Variants in GRAMD2B observed in about 807,000 individuals in gnomAD.
The protein encoded by GRAMD2B is GRAM domain containing 2B, also known as GRAM domain-containing protein 2B.
Under a neutral mutation model 59.2 loss-of-function variants are expected in GRAMD2B, and 41 were observed. That is an observed-to-expected ratio of 0.69 (90% CI 0.54 to 0.90). The LOEUF is 0.90. Among genes scored for constraint, GRAMD2B ranks in the 40% least tolerant of loss-of-function variants. The pLI, the probability that GRAMD2B is intolerant of heterozygous loss-of-function variation, is 0.00. For synonymous variants in GRAMD2B, 161 were observed against 182.7 expected (o/e 0.88, Z 0.96); for missense variants, 424 against 500.5 (o/e 0.85, Z 1.46).
chr5:126,488,455 G>T (rs1241174269), intron 12 of GRAMD2B, among the ~76,000 whole-genome samples: 2 of 152,194 alleles, frequency 1.3e-5, no homozygotes, highest in Non-Finnish European at 2.9e-5. Flanking sequence ...GTAAGTTTAT[G>T]CTCTGGTGGA....
intron 1 of GRAMD2B, among the ~76,000 whole-genome samples, chr5:126,400,834 C>T (rs954363118): frequency 1.3e-5 from 2 of 152,072 alleles, no homozygotes; most frequent in African/African-American, 4.8e-5. Flanking sequence ...TATACATTCC[C>T]TTGTATGTGA....
intron 1 of GRAMD2B, among the ~76,000 whole-genome samples, chr5:126,426,712 C>T (rs771212767): frequency 2.6e-5 from 4 of 152,110 alleles, no homozygotes; most frequent in African/African-American, 4.8e-5. Context: ...TACTGTAATA[C>T]GCTTGTAGCT....
intron 13 of GRAMD2B, among the ~76,000 whole-genome samples, chr5:126,492,705 A>G (rs1423726429): frequency 1.3e-5 from 2 of 152,100 alleles, no homozygotes; most frequent in African/African-American, 4.8e-5. Context: ...TGGGTGACAG[A>G]GCGAGACCCT....
At chr5:126,362,829 A>C (rs1416554644) in intron 1 of GRAMD2B, among the ~76,000 whole-genome samples, 1 of 152,228 alleles carries the variant, frequency 6.6e-6, no homozygotes, top group Admixed American at 6.5e-5. Flanking sequence ...ATATTAACTC[A>C]AAGTAGATCA....
intron 1 of GRAMD2B, among the ~76,000 whole-genome samples, chr5:126,436,495 T>C (rs1466945456): frequency 6.6e-6 from 1 of 151,972 alleles, no homozygotes. Flanking sequence ...CCACAAATAA[T>C]ATAGAAATTA....
At chr5:126,427,469 G>A (rs752121161) in intron 1 of GRAMD2B, among the ~76,000 whole-genome samples, 5 of 152,068 alleles carry the variant, frequency 3.3e-5, no homozygotes, top group Non-Finnish European at 7.4e-5. Context: ...CATTCAAATT[G>A]CAATTTGAAT....
upstream of GRAMD2B, among the ~76,000 whole-genome samples, chr5:126,370,618 C>G (rs937567990): frequency 9.2e-5 from 14 of 152,188 alleles, no homozygotes; most frequent in Non-Finnish European, 1.3e-4. Flanking sequence ...CACATAATTG[C>G]AAATCTCTAC....
intron 1 of GRAMD2B, among the ~76,000 whole-genome samples, chr5:126,415,487 T>TG (rs964992574): frequency 6.6e-6 from 1 of 151,392 alleles, no homozygotes; most frequent in African/African-American, 2.4e-5. Flanking sequence ...GCAAAAAAAA[T>TG]GTTTTTGGGA....
intron 1 of GRAMD2B, among the ~76,000 whole-genome samples, chr5:126,461,041 G>T (rs1767259949): frequency 6.6e-6 from 1 of 152,148 alleles, no homozygotes; most frequent in Non-Finnish European, 1.5e-5. Flanking sequence ...CATGTGGGTA[G>T]ACTCAAACAC....
At chr5:126,466,717 T>C (rs1476218973) in intron 2 of GRAMD2B, among the ~76,000 whole-genome samples, 2 of 152,200 alleles carry the variant, frequency 1.3e-5, no homozygotes, top group East Asian at 1.9e-4. Flanking sequence ...AACAATTTTT[T>C]TTCCTCTAGT....
At chr5:126,428,267 T>C (rs1760953737) in intron 1 of GRAMD2B, among the ~76,000 whole-genome samples, 2 of 152,134 alleles carry the variant, frequency 1.3e-5, no homozygotes, top group Admixed American at 1.3e-4. Flanking sequence ...AAGAATGATG[T>C]ATAACATGTT....
intron 1 of GRAMD2B, among the ~76,000 whole-genome samples, chr5:126,394,116 T>C (rs1561475179): frequency 6.9e-6 from 1 of 144,624 alleles, no homozygotes. Flanking sequence ...CTACTAAAAA[T>C]ACAAAAAAAT....
At chr5:126,419,804 C>A (rs1418193297), upstream of GRAMD2B, among the ~76,000 whole-genome samples, 2 of 152,052 alleles carry the variant, frequency 1.3e-5, no homozygotes, top group African/African-American at 4.8e-5. Flanking sequence ...CGCCTGTAAT[C>A]CCAGCACTTT....
intron 3 of GRAMD2B, among the ~76,000 whole-genome samples, chr5:126,471,080 G>A (rs1769485489): frequency 6.6e-6 from 1 of 152,142 alleles, no homozygotes; most frequent in South Asian, 2.1e-4. Flanking sequence ...TTGACTTGCA[G>A]GGACCATCTA....
At chr5:126,371,169 C>T, upstream of GRAMD2B, 1 of 285,112 alleles carries the variant, frequency 3.5e-6, no homozygotes, top group Non-Finnish European at 5.5e-6. Flanking sequence ...CAGTGGTGTT[C>T]ATCTTAGTGA....
At chr5:126,433,179 T>C (rs1761863259) in intron 1 of GRAMD2B, among the ~76,000 whole-genome samples, 1 of 152,238 alleles carries the variant, frequency 6.6e-6, no homozygotes, top group Non-Finnish European at 1.5e-5. Context: ...AGTAATATCA[T>C]TGCTATTCAT....
chr5:126,360,694 G>C (rs1241282850), intron 1 of GRAMD2B, among the ~76,000 whole-genome samples: 1 of 152,112 alleles, frequency 6.6e-6, no homozygotes, highest in Non-Finnish European at 1.5e-5. Flanking sequence ...TTTGCTTATA[G>C]GTGTATTGCA....
At chr5:126,484,381 A>G in intron 9 of GRAMD2B, 21 bp from the exon 10 acceptor site, 1 of 1,609,718 alleles carries the variant, frequency 6.2e-7, no homozygotes, top group South Asian at 1.1e-5. Context: ...ACACTTACCC[A>G]GCTCTGTTTT....
intron 1 of GRAMD2B, among the ~76,000 whole-genome samples, chr5:126,447,679 A>AAG (rs2126652505): frequency 6.6e-6 from 1 of 151,334 alleles, no homozygotes; most frequent in African/African-American, 2.4e-5. Flanking sequence ...AAGAAAAAAA[A>AAG]AAAAAAAGAA....
Sources: gnomAD v4.1 joint callset for allele counts (sites outside exome capture counted in the v4.1 genomes callset) on GRCh38, gnomAD v4.1.1 for gene constraint, MANE v1.5 for transcripts, NCBI Gene and HGNC (gene_info 2026-07-23, HGNC 2026-07-21) for gene names.